RUNX2: variants seen among roughly 807,000 people sequenced by gnomAD.
The protein encoded by RUNX2 is RUNX family transcription factor 2.
Under a neutral mutation model 51.7 loss-of-function variants are expected in RUNX2, and 10 were observed. The ratio of observed to expected loss-of-function variants is 0.19; its 90% CI spans 0.12 to 0.33. The LOEUF (loss-of-function observed/expected upper bound fraction) is 0.33. Among genes scored for constraint, RUNX2 ranks in the 10% least tolerant of loss-of-function variants. The pLI is 1.00. For synonymous variants in RUNX2, 276 were observed against 273.6 expected (o/e 1.01, Z -0.09); for missense variants, 562 against 691.3 (o/e 0.81, Z 2.10).
chr6:45,395,728 C>G (rs1233250216), intron 2 of RUNX2, among the ~76,000 whole-genome samples: 1 of 152,176 alleles, frequency 6.6e-6, no homozygotes, highest in Non-Finnish European at 1.5e-5. Context: ...GTGGCACCAT[C>G]TTGATCTTGG....
chr6:45,430,747 TG>T (rs1187969339), intron 3 of RUNX2, among the ~76,000 whole-genome samples: 4 of 152,170 alleles, frequency 2.6e-5, no homozygotes, highest in African/African-American at 7.2e-5. Context: ...GGGGTATTAT[TG>T]TCAGACAGCT....
chr6:45,422,973 G>GC lies in RUNX2; in HGVS notation c.423+22dup, dbSNP rs769738075. 8 of 1,604,418 alleles carry GC rather than the reference G, an allele frequency of 5.0e-6. No homozygotes were observed. The Admixed American group carries it at 8.4e-5, about 17-fold the overall frequency. On this transcript the variant is annotated intron_variant, in intron 3 of 8. Transcript: ENST00000647337. ...GGCCTTCAAGGTAAGAGGCTACACC[G>GC]CCCCCCGCCCCCGGCCGGGAGCGGC...
At chr6:45,448,039 A>G (rs1023443060) in intron 5 of RUNX2, among the ~76,000 whole-genome samples, 1 of 152,214 alleles carries the variant, frequency 6.6e-6, no homozygotes, top group Admixed American at 6.5e-5. Flanking sequence ...AGGAAATGGA[A>G]CACAGGACAG....
chr6:45,329,164 C>T (rs528622840), intron 2 of RUNX2, among the ~76,000 whole-genome samples: 1 of 151,994 alleles, frequency 6.6e-6, no homozygotes, highest in East Asian at 1.9e-4. Context: ...CCGGCAGCTC[C>T]CAATATTTGA....
intron 5 of RUNX2, among the ~76,000 whole-genome samples, chr6:45,486,123 G>A (rs930323830): frequency 6.6e-6 from 1 of 152,042 alleles, no homozygotes; most frequent in African/African-American, 2.4e-5. Flanking sequence ...GAATAAGAAG[G>A]ACATTTTTCT....
At chr6:45,523,353 C>G (rs932171517) in intron 7 of RUNX2, among the ~76,000 whole-genome samples, 15 of 151,968 alleles carry the variant, frequency 9.9e-5, no homozygotes, top group Non-Finnish European at 2.2e-4. Flanking sequence ...GCAACCTCCC[C>G]CTCCCAGGTT....
intron 2 of RUNX2, among the ~76,000 whole-genome samples, chr6:45,397,660 A>G (rs1797612923): frequency 6.6e-6 from 1 of 152,196 alleles, no homozygotes; most frequent in South Asian, 2.1e-4. Flanking sequence ...CAAAAATGGT[A>G]TATTAGCCAT....
chr6:45,463,921 C>T lies in RUNX2; in HGVS notation c.685+25870C>T, dbSNP rs141049706. Among the ~76,000 whole-genome samples, 719 of 152,266 alleles carry T rather than the reference C, an allele frequency of 4.7e-3. 3 individuals carry two copies. Among genetic ancestry groups the T allele is most frequent in the South Asian group, 0.015 (72 of 4,824 alleles). ...AAATGTTCACAACATCAGCCGGGCA[C>T]GGTGGCTCACGCCTGTAATCCCAGC... On this transcript the variant is annotated intron_variant, in intron 5 of 8. Transcript: ENST00000647337.
intron 2 of RUNX2, among the ~76,000 whole-genome samples, chr6:45,337,856 G>A (rs1035123157): frequency 6.6e-5 from 10 of 151,882 alleles, no homozygotes; most frequent in Admixed American, 2.0e-4. Context: ...ACTACTGTAA[G>A]TAGAAATAAG....
chr6:45,366,192 AAAG>A (rs1795105673), intron 2 of RUNX2, among the ~76,000 whole-genome samples: 1 of 152,338 alleles, frequency 6.6e-6, no homozygotes, highest in Admixed American at 6.5e-5. Context: ...TGCAGTTTCT[AAAG>A]AAGAATGTAA....
In RUNX2 at chr6:45,545,267, A is replaced by G; in HGVS notation, c.1072A>G (p.Lys358Glu). 1 of 1,550,608 alleles carries G rather than the reference A, an allele frequency of 6.4e-7. No homozygotes were observed. The highest frequency in any genetic ancestry group is 8.7e-7 in the Non-Finnish European group (1 of 1,146,924). Residue 358 changes from lysine (K) to glutamate (E), a missense_variant, in exon 8 of 9, where the codon AAG becomes GAG. Lys to Glu is a moderately conservative substitution (Grantham distance 56, BLOSUM62 1). Coordinates refer to ENST00000647337, the MANE Select transcript of RUNX2 (RefSeq NM_001024630.4). ...DFCLWPSTLS[K>E]KSQAGASELG... ...CTGCCTCTGGCCTTCCACTCTCAGT[A>G]AGAAGAGCCAGGCAGGTGAGACTTT...
At chr6:45,497,309 G>A (rs527627706) in intron 6 of RUNX2, among the ~76,000 whole-genome samples, 24 of 152,216 alleles carry the variant, frequency 1.6e-4, no homozygotes, top group African/African-American at 5.5e-4. Flanking sequence ...GGAAGGAAGT[G>A]CACAGGATAT....
At chr6:45,379,502 C>T (rs1192656893) in intron 2 of RUNX2, among the ~76,000 whole-genome samples, 1 of 152,134 alleles carries the variant, frequency 6.6e-6, no homozygotes, top group Non-Finnish European at 1.5e-5. Flanking sequence ...AGATGAGTAC[C>T]TGTTTGATCC....
At chr6:45,416,514 T>A (rs1376342975) in intron 2 of RUNX2, among the ~76,000 whole-genome samples, 1 of 152,160 alleles carries the variant, frequency 6.6e-6, no homozygotes, top group African/African-American at 2.4e-5. Flanking sequence ...AAATCTTTAA[T>A]TTTAGGGTGT....
At chr6:45,505,098 C>T (rs1392003071) in intron 6 of RUNX2, among the ~76,000 whole-genome samples, 1 of 152,156 alleles carries the variant, frequency 6.6e-6, no homozygotes, top group Non-Finnish European at 1.5e-5. Context: ...TTGTTTCCTC[C>T]CGTCTGCATC....
At chr6:45,372,301 C>T (rs1031637187) in intron 2 of RUNX2, among the ~76,000 whole-genome samples, 51 of 152,222 alleles carry the variant, frequency 3.4e-4, no homozygotes, top group African/African-American at 9.9e-4. Context: ...CTTAGTAAAC[C>T]GCCTTGTACA....
intron 7 of RUNX2, among the ~76,000 whole-genome samples, chr6:45,535,829 G>A (rs1802014376): frequency 6.6e-6 from 1 of 151,988 alleles, no homozygotes; most frequent in Non-Finnish European, 1.5e-5. Context: ...AACCCAGGCA[G>A]GAAGGTGGGA....
At chr6:45,331,604 A>C (rs559224280) in intron 2 of RUNX2, among the ~76,000 whole-genome samples, 19 of 152,116 alleles carry the variant, frequency 1.2e-4, no homozygotes, top group Admixed American at 1.1e-3. Flanking sequence ...AAATTATTTT[A>C]AATTATAATA....
intron 2 of RUNX2, among the ~76,000 whole-genome samples, chr6:45,413,133 A>G (rs1797986583): frequency 6.6e-6 from 1 of 152,228 alleles, no homozygotes; most frequent in Non-Finnish European, 1.5e-5. Flanking sequence ...TTAATTTAAC[A>G]TCAAAGATAC....
Sources: allele counts gnomAD v4.1 joint callset (sites outside exome capture counted in the v4.1 genomes callset), GRCh38; gene constraint gnomAD v4.1.1; transcripts MANE v1.5; gene names NCBI Gene and HGNC (gene_info 2026-07-23, HGNC 2026-07-21).